Variants in VOPP1 observed in about 807,000 individuals in gnomAD.
VOPP1 encodes WW domain binding protein VOPP1.
In VOPP1, 8 loss-of-function variants were observed where a neutral mutation model predicts 23.5. The observed-to-expected ratio is 0.34, with a 90% CI of 0.20 to 0.61. The LOEUF (loss-of-function observed/expected upper bound fraction) is 0.61. VOPP1 is among the 20% of genes least tolerant of loss of function. VOPP1 has a pLI of 0.78. For missense variants in VOPP1, 174 were observed against 238.1 expected (o/e 0.73, Z 1.77); for synonymous variants, 83 against 97.3 (o/e 0.85, Z 0.86).
intron 1 of VOPP1, among the ~76,000 whole-genome samples, chr7:55,550,137 C>A (rs865998977): frequency 6.6e-6 from 1 of 152,254 alleles, no homozygotes; most frequent in Non-Finnish European, 1.5e-5. Flanking sequence ...AACAGCATTT[C>A]CTTCACTGCA....
chr7:55,446,942 G>A (rs117043716), intron 4 of VOPP1, among the ~76,000 whole-genome samples: 151 of 152,304 alleles, frequency 9.9e-4, no homozygotes, highest in Non-Finnish European at 1.8e-3. Context: ...TGATTATGTT[G>A]GCCTTTCCCT....
At chr7:55,507,555 T>A (rs184169772) in intron 2 of VOPP1, among the ~76,000 whole-genome samples, 1 of 152,380 alleles carries the variant, frequency 6.6e-6, no homozygotes, top group Admixed American at 6.5e-5. Flanking sequence ...TGTAATATTG[T>A]ACGTCTGCGA....
chr7:55,513,432 G>C (rs1583981915), intron 2 of VOPP1, among the ~76,000 whole-genome samples: 1 of 152,162 alleles, frequency 6.6e-6, no homozygotes, highest in East Asian at 1.9e-4. Flanking sequence ...TTGGCAGTGT[G>C]TGAATTCCCT....
intron 1 of VOPP1, among the ~76,000 whole-genome samples, chr7:55,563,440 A>T (rs186371879): frequency 6.6e-6 from 1 of 152,364 alleles, no homozygotes; most frequent in African/African-American, 2.4e-5. Flanking sequence ...GAGAAATCAA[A>T]TCTATTGTAA....
At chr7:55,512,358 G>C (rs113535185) in intron 2 of VOPP1, among the ~76,000 whole-genome samples, 7 of 152,166 alleles carry the variant, frequency 4.6e-5, no homozygotes, top group African/African-American at 1.7e-4. Context: ...CCTGGAAGGC[G>C]GAGGTTGCAG....
intron 2 of VOPP1, among the ~76,000 whole-genome samples, chr7:55,505,629 A>C (rs1283031559): frequency 8.0e-6 from 1 of 125,112 alleles, no homozygotes; most frequent in Non-Finnish European, 1.6e-5. Flanking sequence ...GGGGAAGGAA[A>C]GAAGGAAAAA....
At chr7:55,515,351 C>T (rs1251614167) in intron 2 of VOPP1, among the ~76,000 whole-genome samples, 1 of 152,198 alleles carries the variant, frequency 6.6e-6, no homozygotes, top group African/African-American at 2.4e-5. Flanking sequence ...CCTCCCACAG[C>T]GTCCCCAAGA....
chr7:55,542,309 A>C (rs2129051216), intron 1 of VOPP1, among the ~76,000 whole-genome samples: 1 of 152,320 alleles, frequency 6.6e-6, no homozygotes, highest in South Asian at 2.1e-4. Context: ...TATATAATTA[A>C]TTTTTGTTAA....
At chr7:55,445,208 CACACACAG>C (rs899124237) in intron 4 of VOPP1, among the ~76,000 whole-genome samples, 44 of 135,570 alleles carry the variant, frequency 3.2e-4, no homozygotes, top group Non-Finnish European at 1.6e-4. Flanking sequence ...TCTCTACACA[CACACACAG>C]ACACACACAC....
chr7:55,492,558 G>A (rs763746218), intron 3 of VOPP1, 140 bp from the exon 4 acceptor site: 3 of 1,062,324 alleles, frequency 2.8e-6, no homozygotes, highest in Non-Finnish European at 3.9e-6. Flanking sequence ...GGCAAGGGCA[G>A]AGCCATGAGG....
rs1791821511 is a variant in VOPP1, at chr7:55,471,587, C to A, written c.*1268G>T. The A allele has an allele frequency of 6.6e-6, 1 of 151,200 alleles. No individual in the cohort carries two copies. Among genetic ancestry groups the A allele is most frequent in the Non-Finnish European group, 1.5e-5 (1 of 67,696 alleles). 9.4% of individuals were successfully genotyped at this position (151,200 alleles called of 1,614,324 possible). ...AGCACACAGGACAGGTCAGCGTTCA[C>A]ACATCAACACTATAACTATGCGGCG... On this transcript the variant is annotated 3_prime_UTR_variant, in exon 5 of 5. Transcript: ENST00000285279.
At chr7:55,508,118 G>A (rs1483495421) in intron 2 of VOPP1, among the ~76,000 whole-genome samples, 5 of 152,166 alleles carry the variant, frequency 3.3e-5, no homozygotes, top group Admixed American at 1.3e-4. Flanking sequence ...CAGACCAAAT[G>A]GGGTAAAAAG....
chr7:55,534,784 C>T (rs1465325461), intron 1 of VOPP1, among the ~76,000 whole-genome samples: 2 of 152,234 alleles, frequency 1.3e-5, no homozygotes, highest in African/African-American at 4.8e-5. Flanking sequence ...TACAGCTGAG[C>T]GCTGCTCCCA....
At chr7:55,550,054 C>T (rs1174031461) in intron 1 of VOPP1, among the ~76,000 whole-genome samples, 2 of 152,242 alleles carry the variant, frequency 1.3e-5, no homozygotes, top group Non-Finnish European at 2.9e-5. Flanking sequence ...GCCAAGGGGA[C>T]TGCACAGCCG....
intron 4 of VOPP1, among the ~76,000 whole-genome samples, chr7:55,474,410 C>G (rs1792078712): frequency 6.6e-6 from 1 of 152,176 alleles, no homozygotes; most frequent in Non-Finnish European, 1.5e-5. Flanking sequence ...ACAGTCTAAG[C>G]AAGACATTAT....
intron 3 of VOPP1, among the ~76,000 whole-genome samples, chr7:55,494,704 C>T (rs933063607): frequency 3.9e-5 from 6 of 152,170 alleles, no homozygotes; most frequent in African/African-American, 1.4e-4. Context: ...TCTCAAATTC[C>T]TGGCTTCAGT....
At chr7:55,551,225 G>A (rs1469400403) in intron 1 of VOPP1, among the ~76,000 whole-genome samples, 3 of 152,182 alleles carry the variant, frequency 2.0e-5, no homozygotes, top group African/African-American at 7.2e-5. Flanking sequence ...GACAAGCAAG[G>A]CTTCATGTGA....
intron 4 of VOPP1, among the ~76,000 whole-genome samples, chr7:55,474,133 T>C (rs114454695): frequency 0.012 from 1,879 of 152,342 alleles, 49 homozygotes; most frequent in African/African-American, 0.043. Context: ...TCAGCACAGA[T>C]GCCACCCTGT....
At chr7:55,499,587 A>T (rs1190014308) in intron 2 of VOPP1, among the ~76,000 whole-genome samples, 1 of 152,208 alleles carries the variant, frequency 6.6e-6, no homozygotes, top group African/African-American at 2.4e-5. Flanking sequence ...AGACAGTAAT[A>T]AGTTCTTCTG....
Sources: allele counts gnomAD v4.1 joint callset (sites outside exome capture counted in the v4.1 genomes callset), GRCh38; gene constraint gnomAD v4.1.1; transcripts MANE v1.5; gene names NCBI Gene and HGNC (gene_info 2026-07-23, HGNC 2026-07-21).